Variants in KLHL7 observed in about 807,000 individuals in gnomAD.
KLHL7 encodes the protein kelch like family member 7, also known as kelch-like protein 7.
In KLHL7, 44 loss-of-function variants were observed where a neutral mutation model predicts 67.4. That is an observed-to-expected ratio of 0.65 (90% confidence interval 0.51 to 0.84). KLHL7 has a LOEUF of 0.84. KLHL7 is among the 40% of genes least tolerant of loss of function. KLHL7 has a pLI of 0.00. For synonymous variants in KLHL7, 252 were observed against 243.3 expected, an observed-to-expected ratio of 1.04 and a Z score of -0.33; for missense variants, 362 against 718.1, an observed-to-expected ratio of 0.50 and a Z score of 5.67.
At chr7:23,165,493 C>T (rs1784976677) in intron 7 of KLHL7, among the ~76,000 whole-genome samples, 1 of 152,116 alleles carries the variant, frequency 6.6e-6, no homozygotes, top group South Asian at 2.1e-4. Flanking sequence ...CAGTCATGTG[C>T]CTGCCTTTTG....
In KLHL7 at chr7:23,173,960, A is replaced by T. The variant is rs1046979796; in HGVS notation, c.1478-55A>T. 66 of 1,539,210 alleles carry T rather than the reference A, an allele frequency of 4.3e-5. No homozygotes were observed. The Middle Eastern group carries it at 5.0e-4, about 12-fold the overall frequency. ...ATACAAAAAGTTATTACTTTAAGAA[A>T]CCTTAGAATTGTTGATATAGTTTTT... On this transcript the variant is annotated intron_variant, in intron 10 of 10. Coordinates refer to ENST00000339077, the MANE Select transcript of KLHL7 (RefSeq NM_001031710.3).
chr7:23,173,146 A>G, intron 10 of KLHL7, 101 bp downstream of exon 10: 2 of 768,492 alleles, frequency 2.6e-6, no homozygotes, highest in Non-Finnish European at 4.6e-6. Context: ...AGCATTTACC[A>G]TGTATATTAT....
chr7:23,171,955 T>C (rs1785176531), intron 9 of KLHL7, among the ~76,000 whole-genome samples: 1 of 152,230 alleles, frequency 6.6e-6, no homozygotes, highest in Admixed American at 6.5e-5. Context: ...ATGATCCGCC[T>C]GCCTCGGCCT....
chr7:23,151,158 T>TG lies in KLHL7; in HGVS notation c.794-909_794-908insG, dbSNP rs573614555. 2.2e-4 allele frequency among the ~76,000 whole-genome samples: 11 copies of TG among 50,916 alleles called. No homozygotes were observed. In the African/African-American group the frequency reaches 2.4e-3, roughly 11 times the overall value. The allele number at this position is 50,916 out of a possible 152,430, so 33.4% of individuals were successfully genotyped here. The stretch of plus-strand genomic sequence containing the variant: ...GCTTCTCCATTCTGGGCCTGTTTTG[T>TG]TTTTTTTTTTTTCTTTTCTTTTTTT... On this transcript the variant is annotated intron_variant, in intron 6 of 10. Transcript: ENST00000339077.
intron 1 of KLHL7, among the ~76,000 whole-genome samples, chr7:23,110,070 T>A (rs1782802114): frequency 6.6e-6 from 1 of 152,240 alleles, no homozygotes; most frequent in Non-Finnish European, 1.5e-5. Context: ...GGGCAACTTC[T>A]GCCAAGTAAG....
Position 23,126,234 on chromosome 7 carries a change from G to A in KLHL7, c.442+1062G>A, listed in dbSNP as rs1783568840. Among the ~76,000 whole-genome samples the A allele has an allele frequency of 2.0e-5, 3 of 152,278 alleles. No homozygotes were observed. In the South Asian group the frequency reaches 6.2e-4, roughly 32 times the overall value. ...GGATGATTTCTGTCCCAGGCAGGAT[G>A]GAGCAGGATGACGTGAGATTTCATC... On this transcript the variant is annotated intron_variant, in intron 4 of 10. Coordinates refer to ENST00000339077, the MANE Select transcript of KLHL7 (RefSeq NM_001031710.3).
intron 4 of KLHL7, among the ~76,000 whole-genome samples, chr7:23,133,399 G>A (rs1336148057): frequency 6.6e-6 from 1 of 151,694 alleles, no homozygotes; most frequent in Non-Finnish European, 1.5e-5. Context: ...TGTGGCTATT[G>A]TAAATGGGGC....
intron 4 of KLHL7, chr7:23,129,434 T>C (rs1211854685): frequency 2.7e-6 from 1 of 376,486 alleles, no homozygotes; most frequent in Non-Finnish European, 5.3e-6. Flanking sequence ...TCACCTAATA[T>C]AGCTGGTTTT....
chr7:23,133,536 A>G (rs1783873335), intron 4 of KLHL7, among the ~76,000 whole-genome samples: 1 of 152,020 alleles, frequency 6.6e-6, no homozygotes, highest in African/African-American at 2.4e-5. Flanking sequence ...GGTTCAAGCG[A>G]TTCTCCCACC....
At chr7:23,149,720 T>G (rs1784472209) in intron 6 of KLHL7, among the ~76,000 whole-genome samples, 1 of 152,192 alleles carries the variant, frequency 6.6e-6, no homozygotes, top group Admixed American at 6.6e-5. Context: ...CAAAGAATAT[T>G]CCACAGAAAC....
intron 9 of KLHL7, among the ~76,000 whole-genome samples, chr7:23,169,494 G>T (rs887848768): frequency 6.6e-6 from 1 of 151,616 alleles, no homozygotes; most frequent in Non-Finnish European, 1.5e-5. Flanking sequence ...TAAACCCTAG[G>T]CTCAAAAAGT....
intron 4 of KLHL7, among the ~76,000 whole-genome samples, chr7:23,128,578 G>A (rs58737437): frequency 0.013 from 2,041 of 151,802 alleles, 55 homozygotes; most frequent in African/African-American, 0.047. Context: ...CTTACATTTG[G>A]GGTGATAAAA....
chr7:23,143,651 A>G (rs578023682), intron 5 of KLHL7, among the ~76,000 whole-genome samples, 200 bp from the exon 6 acceptor site: 87 of 152,278 alleles, frequency 5.7e-4, no homozygotes, highest in African/African-American at 2.1e-3. Context: ...GTTAGTTCTA[A>G]AAAACATATT....
chr7:23,140,947 G>A lies in KLHL7; in HGVS notation c.618+3G>A. On this transcript the variant is annotated splice_donor_region_variant and intron_variant, in intron 5 of 10. Transcript: ENST00000339077. ...TGACTGTGAGAGCAGAGGATCAGGTGACTAAATTGCCTTCTCACATTTTTC... is the reference window on the plus strand; with the variant it reads ...TGACTGTGAGAGCAGAGGATCAGGTAACTAAATTGCCTTCTCACATTTTTC... 7 of 1,612,964 alleles carry A rather than the reference G, an allele frequency of 4.3e-6. No homozygotes were observed. The highest frequency in any genetic ancestry group is 5.9e-6 in the Non-Finnish European group (7 of 1,179,278).
chr7:23,171,180 C>G (rs769962305), intron 9 of KLHL7: 10 of 362,724 alleles, frequency 2.8e-5, no homozygotes, highest in Non-Finnish European at 4.5e-5. Flanking sequence ...GCTGGGATTA[C>G]AGGCGAAAAA....
At chr7:23,132,775 G>T (rs1306393041) in intron 4 of KLHL7, among the ~76,000 whole-genome samples, 3 of 152,112 alleles carry the variant, frequency 2.0e-5, no homozygotes, top group Non-Finnish European at 2.9e-5. Context: ...CATAGTTTGA[G>T]GTCTTAGATT....
intron 4 of KLHL7, among the ~76,000 whole-genome samples, chr7:23,131,032 G>A (rs1157495749): frequency 1.3e-5 from 2 of 152,180 alleles, no homozygotes; most frequent in Non-Finnish European, 2.9e-5. Context: ...GGTAGTGTTC[G>A]CTGCCAACCT....
At chr7:23,137,950 C>T (rs1317623366) in intron 4 of KLHL7, among the ~76,000 whole-genome samples, 10 of 148,850 alleles carry the variant, frequency 6.7e-5, no homozygotes, top group South Asian at 2.2e-4. Flanking sequence ...GCTGAGCGGG[C>T]GGACCACTTG....
At chr7:23,117,097 T>TTTTTTTTTTG (rs1783121048) in intron 1 of KLHL7, among the ~76,000 whole-genome samples, 1 of 140,726 alleles carries the variant, frequency 7.1e-6, no homozygotes, top group Non-Finnish European at 1.5e-5. Flanking sequence ...TTTTTTTTTT[T>TTTTTTTTTTG]TTTTTTTTGA....
Sources: gnomAD v4.1 joint callset for allele counts (sites outside exome capture counted in the v4.1 genomes callset) on GRCh38, gnomAD v4.1.1 for gene constraint, MANE v1.5 for transcripts, NCBI Gene and HGNC (gene_info 2026-07-23, HGNC 2026-07-21) for gene names.